Variants in SPATA13 observed in about 807,000 individuals in gnomAD.
SPATA13 encodes the protein spermatogenesis-associated protein 13.
SPATA13 carries 50 observed loss-of-function variants against 104.0 expected under a neutral mutation model. The ratio of observed to expected loss-of-function variants is 0.48; its 90% CI spans 0.38 to 0.61. The LOEUF is 0.61. SPATA13 is among the 20% of genes least tolerant of loss of function. The pLI is 0.00. For synonymous variants in SPATA13, 606 were observed against 667.5 expected (o/e 0.91, Z 1.42); for missense variants, 1,524 against 1,690.6 (o/e 0.90, Z 1.73).
At chr13:24,063,513 C>A (rs958735278) in intron 3 of SPATA13, among the ~76,000 whole-genome samples, 1 of 152,074 alleles carries the variant, frequency 6.6e-6, no homozygotes, top group African/African-American at 2.4e-5. Flanking sequence ...CCCAAACATG[C>A]CTGCCAGATT....
At chr13:23,989,886 C>A (rs540010786) in intron 2 of SPATA13, among the ~76,000 whole-genome samples, 3 of 152,172 alleles carry the variant, frequency 2.0e-5, no homozygotes, top group Non-Finnish European at 4.4e-5. Context: ...TGTGAGGATG[C>A]AGTGAGATGG....
intron 1 of SPATA13, among the ~76,000 whole-genome samples, chr13:24,209,658 A>G (rs7333036): frequency 0.35 from 53,173 of 152,108 alleles, 10,370 homozygotes; most frequent in East Asian, 0.63. Context: ...TTCTTTATCC[A>G]TTCATCCATT....
At chr13:24,247,410 A>G (rs1459475045) in intron 2 of SPATA13, among the ~76,000 whole-genome samples, 1 of 148,932 alleles carries the variant, frequency 6.7e-6, no homozygotes, top group Non-Finnish European at 1.5e-5. Flanking sequence ...AGTTTTCCTG[A>G]TTTGAAAAAT....
chr13:24,271,041 A>ACTCACT (rs1874572604), intron 4 of SPATA13: 1 of 481,350 alleles, frequency 2.1e-6, no homozygotes, highest in African/African-American at 2.7e-5. Context: ...TCTCTCTCTC[A>ACTCACT]CTCTCTCTCT....
intron 3 of SPATA13, among the ~76,000 whole-genome samples, chr13:24,038,570 G>A (rs957652050): frequency 6.6e-5 from 10 of 152,048 alleles, no homozygotes; most frequent in African/African-American, 1.7e-4. Context: ...AGACGTCTTC[G>A]GTAAAGTGCC....
intron 4 of SPATA13, chr13:24,253,139 C>T (rs1310228244): frequency 6.6e-6 from 1 of 152,142 alleles, no homozygotes; most frequent in Non-Finnish European, 1.5e-5. Flanking sequence ...ATATGTCCAC[C>T]ACCTGGTGGT....
intron 3 of SPATA13, among the ~76,000 whole-genome samples, chr13:24,100,293 T>G (rs1335947817): frequency 6.6e-6 from 1 of 152,264 alleles, no homozygotes; most frequent in African/African-American, 2.4e-5. Flanking sequence ...ACGCTCATAC[T>G]CTGCTGGCTC....
At chr13:24,170,749 A>G (rs537576439) in intron 1 of SPATA13, among the ~76,000 whole-genome samples, 27 of 152,298 alleles carry the variant, frequency 1.8e-4, no homozygotes, top group Non-Finnish European at 3.2e-4. Flanking sequence ...CTTGTTCCCC[A>G]GAACTGGGAC....
rs751732780 is a variant in SPATA13 at position 24,297,447 on chromosome 13, C to G, written c.3295C>G (p.Arg1099Gly). 1 of 1,614,182 alleles carries G rather than the reference C, an allele frequency of 6.2e-7. No individual in the cohort carries two copies. The highest frequency in any genetic ancestry group is 1.7e-5 in the Admixed American group (1 of 60,026). ...KITKQGKSQQ[R>G]TFFLFDHQLV... Reference sequence around the variant, plus strand: ...CACTAAGCAAGGCAAAAGCCAGCAGCGGACGTTCTTCCTGTTTGACCACCA... The same window carrying G: ...CACTAAGCAAGGCAAAAGCCAGCAGGGGACGTTCTTCCTGTTTGACCACCA... Residue 1099 changes from arginine to glycine, a missense_variant, in exon 11 of 13, where the codon CGG (arginine) becomes GGG (glycine). Physicochemically the swap from Arg to Gly is moderately radical, Grantham distance 125. Around this residue, in one of 2 missense-constraint regions of SPATA13, gnomAD observed 435 missense variants for 554.8 expected, o/e 0.78. Coordinates refer to ENST00000382108, the MANE Select transcript of SPATA13 (RefSeq NM_001166271.3).
intron 4 of SPATA13, among the ~76,000 whole-genome samples, chr13:24,274,907 T>C (rs1341769203): frequency 1.3e-5 from 2 of 152,190 alleles, no homozygotes; most frequent in Non-Finnish European, 2.9e-5. Flanking sequence ...GCTAAATCTA[T>C]GTCTCCTTGT....
intron 3 of SPATA13, among the ~76,000 whole-genome samples, chr13:24,019,174 C>T (rs1314803550): frequency 7.4e-5 from 11 of 149,456 alleles, no homozygotes; most frequent in Admixed American, 4.6e-4. Context: ...CTGTAAGCTC[C>T]GCCTCCCGGG....
At chr13:24,242,501 G>A (rs1354028461) in intron 2 of SPATA13, among the ~76,000 whole-genome samples, 1 of 152,182 alleles carries the variant, frequency 6.6e-6, no homozygotes, top group East Asian at 1.9e-4. Context: ...CATGTCTAGT[G>A]CTGGCCTTCC....
intron 3 of SPATA13, among the ~76,000 whole-genome samples, chr13:24,057,625 C>G (rs1193550325): frequency 6.8e-6 from 1 of 146,678 alleles, no homozygotes; most frequent in African/African-American, 2.4e-5. Context: ...TTTCTCTCCA[C>G]CCTACCCCTA....
intron 4 of SPATA13, among the ~76,000 whole-genome samples, chr13:24,274,418 C>T (rs1874831179): frequency 6.6e-6 from 1 of 152,232 alleles, no homozygotes. Flanking sequence ...TTTTTCTAAA[C>T]ATTTTCCATG....
chr13:24,291,046 T>G (rs1876316022), intron 9 of SPATA13, among the ~76,000 whole-genome samples, 162 bp downstream of exon 9: 1 of 152,190 alleles, frequency 6.6e-6, no homozygotes. Context: ...TGCAATTAAC[T>G]ATTGAAATAG....
intron 3 of SPATA13, among the ~76,000 whole-genome samples, chr13:24,050,269 A>G (rs1346247416): frequency 1.3e-5 from 2 of 152,216 alleles, no homozygotes; most frequent in African/African-American, 4.8e-5. Flanking sequence ...AAAAATAGAA[A>G]GTTGATTTTT....
rs1873360419 is a variant in SPATA13 at position 24,249,601 on chromosome 13, A to G, written c.1778A>G (p.Tyr593Cys). The change falls in exon 3 of 13, where the codon TAC becomes TGC. Residue 593 changes from tyrosine (Y) to cysteine (C), a missense_variant. By Grantham distance (194) the Tyr-to-Cys change is radical (BLOSUM62 -2). Around this residue, in one of 2 missense-constraint regions of SPATA13, gnomAD observed 1,089 missense variants for 1,135.9 expected, o/e 0.96. Coordinates refer to ENST00000382108, the MANE Select transcript of SPATA13 (RefSeq NM_001166271.3). Reference protein sequence around the residue: ...RRPRPRPFSDYGQLASRSLSI... With the variant: ...RRPRPRPFSDCGQLASRSLSI... The stretch of plus-strand genomic sequence containing the variant: ...CCAAGGCCTCGGCCATTCTCTGACT[A>G]CGGCCAGCTGGCCAGCCGCAGTTTG... 3 of 1,613,980 alleles carry G rather than the reference A, an allele frequency of 1.9e-6. No individual in the cohort carries two copies. The highest frequency in any genetic ancestry group is 2.5e-6 in the Non-Finnish European group (3 of 1,179,886).
intron 4 of SPATA13, among the ~76,000 whole-genome samples, chr13:24,261,227 T>C (rs1037380440): frequency 3.3e-5 from 5 of 152,154 alleles, no homozygotes; most frequent in Non-Finnish European, 5.9e-5. Flanking sequence ...ACTGGAGATA[T>C]GAAGAACCGA....
At chr13:24,100,269 G>T (rs559553321) in intron 3 of SPATA13, among the ~76,000 whole-genome samples, 1 of 152,272 alleles carries the variant, frequency 6.6e-6, no homozygotes, top group African/African-American at 2.4e-5. Context: ...CTATATTGCC[G>T]CACTGCATTG....
Sources: gnomAD v4.1 joint callset for allele counts (sites outside exome capture counted in the v4.1 genomes callset) on GRCh38, gnomAD v4.1.1 for gene constraint, gnomAD v4.1.1 regional missense constraint, MANE v1.5 for transcripts, NCBI Gene and HGNC (gene_info 2026-07-23, HGNC 2026-07-21) for gene names.